The following ERN2 variants were observed in gnomAD, a reference collection of about 807,000 sequenced individuals.
The protein encoded by ERN2 is endoplasmic reticulum to nucleus signaling 2, also known as serine/threonine-protein kinase/endoribonuclease IRE2.
Under a neutral mutation model 107.9 loss-of-function variants are expected in ERN2, and 111 were observed. That is an observed-to-expected ratio of 1.03 (90% confidence interval 0.88 to 1.20). ERN2 has a LOEUF of 1.20. Ranked by LOEUF, ERN2 falls within the 50% of genes most tolerant of loss-of-function variation. The probability of loss-of-function intolerance (pLI) is 0.00; values close to 1 mark genes in which losing one functional copy is unlikely to be tolerated. For missense variants in ERN2, 1,225 were observed against 1,197.9 expected (o/e 1.02, Z -0.33); for synonymous variants, 524 against 501.7 (o/e 1.04, Z -0.59).
Position 23,702,269 on chromosome 16 carries a change from G to T in ERN2, c.1086C>A (p.His362Gln). ...TGTGCAGGACTGGGGGTAGCTCGTG[G>T]TGTCCTAAGGTGGGGGGCAAAAGTC... Reference protein sequence around the residue: ...ALPSQWLLIGHHELPPVLHTT... With the variant: ...ALPSQWLLIGQHELPPVLHTT... The change falls in exon 11 of 22, where the codon CAC becomes CAA. Residue 362 changes from histidine to glutamine, a missense_variant. His to Gln is a conservative substitution (Grantham distance 24). Coordinates refer to ENST00000256797, the MANE Select transcript of ERN2 (RefSeq NM_033266.4). 6.2e-7 allele frequency: 1 copy of T among 1,614,126 alleles called. No homozygotes were observed. The highest frequency in any genetic ancestry group is 1.7e-4 in the Middle Eastern group (1 of 6,060).
In ERN2 at chr16:23,706,535, C is replaced by A. The variant is rs913747107; in HGVS notation, c.488-104G>T. 19 of 882,682 alleles carry A rather than the reference C, an allele frequency of 2.2e-5. No individual in the cohort carries two copies. In the Admixed American group the frequency reaches 4.2e-4, roughly 20 times the overall value. The allele number at this position is 882,682 out of a possible 1,614,324, so 54.7% of individuals were successfully genotyped here. A position where few individuals can be genotyped will look rare whatever the true frequency, so the allele number is the denominator to read the frequency against. On this transcript the variant is annotated intron_variant, in intron 6 of 21. Transcript: ENST00000256797. The stretch of plus-strand genomic sequence containing the variant: ...GAGTGGGGGTTTCCTGAGCACACAG[C>A]CTAGAGACCTGGAAGCCTGTGAACA...
chr16:23,700,595 C>T lies in ERN2; in HGVS notation c.1469G>A (p.Ser490Asn). 6.2e-7 allele frequency: 1 copy of T among 1,614,164 alleles called. No homozygotes were observed. The highest frequency in any genetic ancestry group is 8.5e-7 in the Non-Finnish European group (1 of 1,180,008). ...QSLHSGASRR[S>N]QKRLQSPSKQ... ...TGAGGGACTCTGAAGCCTCTTCTGG[C>T]TCCTCCGGCTGGCCCCCGAGTGCAG... The change falls in exon 13 of 22, where the codon AGC becomes AAC. Residue 490 changes from serine (S) to asparagine (N), a missense_variant. Ser to Asn is a conservative substitution (Grantham distance 46). Transcript: ENST00000256797.
At chr16:23,695,722 CAAAAAAAAAAA>C (rs57103138) in intron 14 of ERN2, among the ~76,000 whole-genome samples, 161 bp downstream of exon 14, 1 of 37,374 alleles carries the variant, frequency 2.7e-5, no homozygotes, top group East Asian at 8.6e-4. Context: ...GAGCAAGACT[CAAAAAAAAAAA>C]AAAAAAAAAA....
intron 13 of ERN2, among the ~76,000 whole-genome samples, chr16:23,698,620 C>T (rs1162322981): frequency 6.6e-6 from 1 of 151,914 alleles, no homozygotes; most frequent in Non-Finnish European, 1.5e-5. Context: ...GAGTCTTGCT[C>T]TGTTGCCCAG....
At chr16:23,709,464 A>G (rs143001914) in intron 4 of ERN2, 14 of 229,660 alleles carry the variant, frequency 6.1e-5, no homozygotes, top group African/African-American at 3.0e-4. Context: ...CTCCTTCCAT[A>G]AAGAGATGGA....
rs573671022 is a variant in ERN2, at chr16:23,711,076, C to T, written c.94-58G>A. 4.9e-6 allele frequency: 6 copies of T among 1,218,970 alleles called. No individual in the cohort carries two copies. The South Asian group carries it at 6.1e-5, about 12-fold the overall frequency. The allele number at this position is 1,218,970 out of a possible 1,614,324, so 75.5% of individuals were successfully genotyped here. On this transcript the variant is annotated intron_variant, in intron 1 of 21. Coordinates refer to ENST00000256797, the MANE Select transcript of ERN2 (RefSeq NM_033266.4). ...GAGGGGTCTGGGACCACCCTTTGCT[C>T]CTGTCCCAAGCAGGGCTGGCCATGA...
intron 13 of ERN2, among the ~76,000 whole-genome samples, chr16:23,698,030 C>CA (rs1290726532): frequency 3.9e-5 from 6 of 152,116 alleles, no homozygotes; most frequent in African/African-American, 1.2e-4. Flanking sequence ...CTAAAGTAAT[C>CA]AAAAATCTCG....
chr16:23,694,881 G>A lies in ERN2; in HGVS notation c.1947C>T (p.Asp649=). Residue 649 remains aspartate (D), a synonymous_variant, in exon 17 of 22, where the codon GAC becomes GAT. Coordinates refer to ENST00000256797, the MANE Select transcript of ERN2 (RefSeq NM_033266.4). ...KPGNILITGP[D]SQGLGRVVLS... ...GCACCACTCTGCCCAGGCCCTGGCTGTCAGGCCCGGTGATGAGAATATTTC... is the reference window on the plus strand; with the variant it reads ...GCACCACTCTGCCCAGGCCCTGGCTATCAGGCCCGGTGATGAGAATATTTC... 2 of 1,614,238 alleles carry A rather than the reference G, an allele frequency of 1.2e-6. No homozygotes were observed. The highest frequency in any genetic ancestry group is 1.7e-6 in the Non-Finnish European group (2 of 1,180,040).
At chr16:23,703,891 G>C (rs1423770367) in intron 8 of ERN2, among the ~76,000 whole-genome samples, 1 of 152,026 alleles carries the variant, frequency 6.6e-6, no homozygotes, top group Non-Finnish European at 1.5e-5. Flanking sequence ...CATTCCCATG[G>C]CATCTTATAC....
At chr16:23,692,609 A>C (rs1959644430) in intron 17 of ERN2, among the ~76,000 whole-genome samples, 1 of 152,178 alleles carries the variant, frequency 6.6e-6, no homozygotes, top group Non-Finnish European at 1.5e-5. Context: ...GGTGCCATAC[A>C]TGAGGCAATA....
chr16:23,691,250 G>A (rs916844600), intron 20 of ERN2, 52 bp downstream of exon 20: 61 of 1,611,502 alleles, frequency 3.8e-5, no homozygotes, highest in Non-Finnish European at 4.5e-5. Context: ...CCCCTCCACC[G>A]CCCAGGCCCA....
chr16:23,705,299 C>T, intron 7 of ERN2, 152 bp from the exon 8 acceptor site: 1 of 896,508 alleles, frequency 1.1e-6, no homozygotes. Flanking sequence ...CATGGAGTCA[C>T]TTTGAAAACG....
Position 23,706,339 on chromosome 16 carries a change from G to A in ERN2, c.580C>T (p.Pro194Ser). 6.5e-7 allele frequency: 1 copy of A among 1,535,448 alleles called. No homozygotes were observed. The highest frequency in any genetic ancestry group is 8.7e-7 in the Non-Finnish European group (1 of 1,144,702). Reference sequence around the variant, plus strand: ...GAAAGGTGGAACTCACATTTCCCAGGTGAGCCATCCATGGGGGGCGCTGAG... The same window carrying A: ...GAAAGGTGGAACTCACATTTCCCAGATGAGCCATCCATGGGGGGCGCTGAG... ...RYSAPPMDGSPGKYMSHLASC... is the reference protein window; with the variant it reads ...RYSAPPMDGSSGKYMSHLASC... Residue 194 changes from proline (P) to serine (S), a missense_variant, in exon 7 of 22, where the codon CCT (proline) becomes TCT (serine). Coordinates refer to ENST00000256797, the MANE Select transcript of ERN2 (RefSeq NM_033266.4).
At chr16:23,696,380 T>C (rs1209428781) in intron 13 of ERN2, among the ~76,000 whole-genome samples, 1 of 152,244 alleles carries the variant, frequency 6.6e-6, no homozygotes, top group East Asian at 1.9e-4. Context: ...TGCTTTGTTT[T>C]CCCTTTACAT....
chr16:23,700,915 A>G (rs368602182), intron 12 of ERN2, 44 bp downstream of exon 12: 162 of 1,578,276 alleles, frequency 1.0e-4, no homozygotes, highest in Non-Finnish European at 1.3e-4. Flanking sequence ...GAGGAGAAGC[A>G]GCGTTCTCCC....
In ERN2 at chr16:23,695,936, T is replaced by C; in HGVS notation, c.1568A>G (p.Lys523Arg). 1 of 1,614,172 alleles carries C rather than the reference T, an allele frequency of 6.2e-7. No individual in the cohort carries two copies. Among genetic ancestry groups the C allele is most frequent in the South Asian group, 1.1e-5 (1 of 91,086 alleles). ...GCCTGCCCCGCGGCCCAGCACGTCC[T>C]TGGGATTGAAGGAAATCTTCCCCAC... ...TVVGKISFNP[K>R]DVLGRGAGGT... Residue 523 changes from lysine to arginine, a missense_variant, in exon 14 of 22, where the codon AAG becomes AGG. By Grantham distance (26) the Lys-to-Arg change is conservative. Transcript: ENST00000256797.
At position 23,712,326 on chromosome 16, in the gene ERN2, G is replaced by A. The variant is rs1370844585; in HGVS notation, c.93+769C>T. 9 of 163,724 alleles carry A rather than the reference G, an allele frequency of 5.5e-5. No individual in the cohort carries two copies. The East Asian group carries it at 1.7e-3, about 31-fold the overall frequency. 10.1% of individuals were successfully genotyped at this position (163,724 alleles called of 1,614,324 possible). A position where few individuals can be genotyped will look rare whatever the true frequency, so the allele number is the denominator to read the frequency against. On this transcript the variant is annotated intron_variant, in intron 1 of 21. Transcript: ENST00000256797. ...TAGCTGCCAATTTTTTTAAAAATTG[G>A]ATGATTTCTACAAAAAAACCAAGAT...
intron 4 of ERN2, chr16:23,709,848 G>C: frequency 4.3e-6 from 1 of 232,390 alleles, no homozygotes; most frequent in Non-Finnish European, 8.5e-6. Flanking sequence ...TGATGTTTTA[G>C]TTTTAAGCTC....
chr16:23,702,053 C>G (rs1011911949), intron 11 of ERN2, 99 bp downstream of exon 11: 1 of 1,284,464 alleles, frequency 7.8e-7, no homozygotes, highest in Non-Finnish European at 1.1e-6. Context: ...GACCCACCCC[C>G]GAGTGTTATT....
Sources: allele counts gnomAD v4.1 joint callset (sites outside exome capture counted in the v4.1 genomes callset), GRCh38; gene constraint gnomAD v4.1.1; transcripts MANE v1.5; gene names NCBI Gene and HGNC (gene_info 2026-07-23, HGNC 2026-07-21).